Variants in SRGAP1 observed in about 807,000 individuals in gnomAD.
SRGAP1 encodes the protein SLIT-ROBO Rho GTPase activating protein 1, also known as SLIT-ROBO Rho GTPase-activating protein 1.
A neutral mutation model predicts 121.9 loss-of-function variants in SRGAP1; 43 were observed. The observed-to-expected ratio is 0.35, with a 90% CI of 0.28 to 0.46. The LOEUF is 0.46. Ranked by LOEUF, SRGAP1 falls within the 20% of genes least tolerant of loss-of-function variation. The pLI is 1.00. For synonymous variants in SRGAP1, 447 were observed against 485.4 expected, an observed-to-expected ratio of 0.92 and a Z score of 1.04; for missense variants, 1,102 against 1,350.9, an observed-to-expected ratio of 0.82 and a Z score of 2.89.
chr12:64,101,308 GGTGTGTGTGTGT>G (rs59020353), intron 15 of SRGAP1, among the ~76,000 whole-genome samples: 65 of 138,098 alleles, frequency 4.7e-4, no homozygotes, highest in African/African-American at 1.4e-3. Context: ...TGGGGAAAGG[GGTGTGTGTGTGT>G]GTGTGTGTGT....
intron 8 of SRGAP1, among the ~76,000 whole-genome samples, chr12:64,072,144 GTGTGGGC>G (rs2035650988): frequency 1.6e-5 from 1 of 62,196 alleles, no homozygotes; most frequent in South Asian, 3.9e-4. Context: ...GTGTGTGTGT[GTGTGGGC>G]GGCGGGGGGG....
At chr12:63,872,256 G>A (rs1899880003) in intron 1 of SRGAP1, among the ~76,000 whole-genome samples, 1 of 152,178 alleles carries the variant, frequency 6.6e-6, no homozygotes, top group African/African-American at 2.4e-5. Flanking sequence ...GAACTACAAC[G>A]TACGTGAGAG....
chr12:64,014,738 G>A (rs1198192853), intron 3 of SRGAP1, among the ~76,000 whole-genome samples: 6 of 150,798 alleles, frequency 4.0e-5, no homozygotes, highest in African/African-American at 1.5e-4. Context: ...TTGGGTTAAC[G>A]TTTCTTGAAC....
chr12:64,077,851 T>C (rs2035766681), intron 8 of SRGAP1, among the ~76,000 whole-genome samples: 1 of 152,070 alleles, frequency 6.6e-6, no homozygotes, highest in Non-Finnish European at 1.5e-5. Context: ...TGGGGAAAAA[T>C]ATTTGCAACA....
chr12:64,075,092 T>C (rs2035711122), intron 8 of SRGAP1, among the ~76,000 whole-genome samples: 1 of 152,094 alleles, frequency 6.6e-6, no homozygotes, highest in Non-Finnish European at 1.5e-5. Flanking sequence ...TATAGAGGTG[T>C]GAAGTAGGAA....
rs1322595322 is a variant in SRGAP1, at chr12:64,141,037, C to T, written c.2881-1258C>T. On this transcript the variant is annotated intron_variant, in intron 21 of 21. Coordinates refer to ENST00000355086, the MANE Select transcript of SRGAP1 (RefSeq NM_020762.4). Reference sequence around the variant, plus strand: ...TATCGCAAGAACAAAAAACCAAACACCGCATATTCTCACTCATAGGTGGGA... The same window carrying T: ...TATCGCAAGAACAAAAAACCAAACATCGCATATTCTCACTCATAGGTGGGA... 7.7e-5 allele frequency among the ~76,000 whole-genome samples: 10 copies of T among 129,928 alleles called. No homozygotes were observed. In the Admixed American group the frequency reaches 7.8e-4, roughly 10 times the overall value. The allele number at this position is 129,928 out of a possible 152,430, so 85.2% of individuals were successfully genotyped here. A position where few individuals can be genotyped will look rare whatever the true frequency, so the allele number is the denominator to read the frequency against.
intron 10 of SRGAP1, among the ~76,000 whole-genome samples, chr12:64,085,020 T>A (rs1329979934): frequency 6.6e-6 from 1 of 152,144 alleles, no homozygotes; most frequent in Non-Finnish European, 1.5e-5. Context: ...TTCAAAGTAT[T>A]TGCCAGGAAA....
intron 1 of SRGAP1, among the ~76,000 whole-genome samples, chr12:63,975,464 A>G (rs770212462): frequency 6.6e-5 from 10 of 152,242 alleles, no homozygotes; most frequent in Non-Finnish European, 1.2e-4. Flanking sequence ...TTACATTTTA[A>G]AAAGTAAAAA....
chr12:64,154,822 A>C lies in SRGAP1; in HGVS notation c.*12150A>C, dbSNP rs563031892. 2.6e-5 allele frequency: 4 copies of C among 152,220 alleles called. No individual in the cohort carries two copies. Among genetic ancestry groups the C allele is most frequent in the African/African-American group, 9.7e-5 (4 of 41,428 alleles). 9.4% of individuals were successfully genotyped at this position (152,220 alleles called of 1,614,324 possible). On this transcript the variant is annotated 3_prime_UTR_variant, in exon 22 of 22. Transcript: ENST00000355086. ...AAAGAGAAAGGAAGGTACAGAGCACATAACCAAGCCCTGGGAAGCCCAGCT... is the reference window on the plus strand; with the variant it reads ...AAAGAGAAAGGAAGGTACAGAGCACCTAACCAAGCCCTGGGAAGCCCAGCT...
intron 6 of SRGAP1, among the ~76,000 whole-genome samples, chr12:64,052,990 C>T (rs2035266269): frequency 6.6e-6 from 1 of 152,104 alleles, no homozygotes; most frequent in South Asian, 2.1e-4. Context: ...ATTTTTTAGA[C>T]TTATTTTATC....
chr12:64,017,074 C>A, intron 4 of SRGAP1, 62 bp downstream of exon 4: 1 of 968,450 alleles, frequency 1.0e-6, no homozygotes, highest in Non-Finnish European at 1.6e-6. Context: ...TTTGTAAAAA[C>A]ACTGCTCATT....
At chr12:63,957,448 G>C (rs923715498) in intron 1 of SRGAP1, among the ~76,000 whole-genome samples, 4 of 152,298 alleles carry the variant, frequency 2.6e-5, no homozygotes, top group African/African-American at 9.6e-5. Context: ...ACATCCACAA[G>C]TATCTGGCCC....
rs140602363 is a variant in SRGAP1 at position 63,853,622 on chromosome 12, A to G, written c.67+8739A>G. On this transcript the variant is annotated intron_variant, in intron 1 of 21. Coordinates refer to ENST00000355086, the MANE Select transcript of SRGAP1 (RefSeq NM_020762.4). ...CAGTATTGAGCACCTACAGTGAGCC[A>G]GTCACCATTGCTTTGCATGGGCACC... Among the ~76,000 whole-genome samples the G allele has an allele frequency of 7.5e-3, 1,147 of 152,372 alleles. 9 individuals carry two copies. Among genetic ancestry groups the G allele is most frequent in the African/African-American group, 0.026 (1,077 of 41,580 alleles).
intron 7 of SRGAP1, among the ~76,000 whole-genome samples, chr12:64,064,668 G>A (rs2035506212): frequency 6.6e-6 from 1 of 152,170 alleles, no homozygotes; most frequent in East Asian, 1.9e-4. Flanking sequence ...ACAGTCACCT[G>A]GCTGGTAGGG....
chr12:63,911,298 C>CAAAAAAA (rs10715790), intron 1 of SRGAP1, among the ~76,000 whole-genome samples: 1 of 90,242 alleles, frequency 1.1e-5, no homozygotes, highest in Non-Finnish European at 2.3e-5. Context: ...GACTCTGTCT[C>CAAAAAAA]AAAAAAAAAA....
At chr12:64,116,987 C>T (rs1308481054) in intron 18 of SRGAP1, among the ~76,000 whole-genome samples, 1 of 152,152 alleles carries the variant, frequency 6.6e-6, no homozygotes, top group African/African-American at 2.4e-5. Context: ...ATAATTTCAG[C>T]AGGCTCTGGG....
intron 3 of SRGAP1, among the ~76,000 whole-genome samples, chr12:64,014,782 A>G (rs1326944793): frequency 1.3e-5 from 2 of 149,066 alleles, no homozygotes; most frequent in Admixed American, 6.7e-5. Context: ...TGTTGTTGTT[A>G]TTGTTCTGAA....
intron 4 of SRGAP1, chr12:64,032,661 A>C: frequency 3.0e-6 from 1 of 330,858 alleles, no homozygotes; most frequent in Non-Finnish European, 5.6e-6. Context: ...CCTATTACAA[A>C]CAAGTGAGAT....
At chr12:64,046,496 C>G (rs2035132659) in intron 6 of SRGAP1, among the ~76,000 whole-genome samples, 1 of 152,082 alleles carries the variant, frequency 6.6e-6, no homozygotes, top group Non-Finnish European at 1.5e-5. Flanking sequence ...AGTGATAGAC[C>G]TACACAAGTG....
Sources: allele counts gnomAD v4.1 joint callset (sites outside exome capture counted in the v4.1 genomes callset), GRCh38; gene constraint gnomAD v4.1.1; transcripts MANE v1.5; gene names NCBI Gene and HGNC (gene_info 2026-07-23, HGNC 2026-07-21).